The following RAP1GDS1 variants were observed in gnomAD, a reference collection of about 807,000 sequenced individuals.
The protein encoded by RAP1GDS1 is Rap1 GTPase-GDP dissociation stimulator 1.
Under a neutral mutation model 71.1 loss-of-function variants are expected in RAP1GDS1, and 35 were observed. The observed-to-expected ratio is 0.49, with a 90% CI of 0.38 to 0.65. The LOEUF (loss-of-function observed/expected upper bound fraction) is 0.65. RAP1GDS1 is among the 30% of genes least tolerant of loss of function. RAP1GDS1 has a pLI of 0.00. For synonymous variants in RAP1GDS1, 229 were observed against 243.1 expected, an observed-to-expected ratio of 0.94 and a Z score of 0.54; for missense variants, 663 against 706.1, an observed-to-expected ratio of 0.94 and a Z score of 0.69.
At chr4:98,343,962 G>A (rs1735880258) in intron 3 of RAP1GDS1, among the ~76,000 whole-genome samples, 1 of 152,088 alleles carries the variant, frequency 6.6e-6, no homozygotes, top group African/African-American at 2.4e-5. Context: ...CAGTTTGTCA[G>A]TTTTACATTA....
chr4:98,303,690 G>A (rs767534646), intron 2 of RAP1GDS1, among the ~76,000 whole-genome samples: 1 of 149,454 alleles, frequency 6.7e-6, no homozygotes, highest in Non-Finnish European at 1.5e-5. Flanking sequence ...TATAGGAAGA[G>A]AACTTTTTAA....
At chr4:98,340,629 A>G (rs1735363248) in intron 2 of RAP1GDS1, among the ~76,000 whole-genome samples, 1 of 152,030 alleles carries the variant, frequency 6.6e-6, no homozygotes, top group Admixed American at 6.6e-5. Flanking sequence ...CACACCTGTA[A>G]TCTCAGCTGC....
chr4:98,416,989 C>G lies in RAP1GDS1; in HGVS notation c.907+101C>G, dbSNP rs974560010. On this transcript the variant is annotated intron_variant, in intron 8 of 14. Coordinates refer to ENST00000408927, the MANE Select transcript of RAP1GDS1 (RefSeq NM_001100427.2). The stretch of plus-strand genomic sequence containing the variant: ...CTACCCTAGACATTTTCTCATATTC[C>G]TATCTCACCTGCTATTGAGGTGATG... The G allele has an allele frequency of 7.0e-6, 9 of 1,284,696 alleles. No homozygotes were observed. In the Admixed American group the frequency reaches 1.5e-4, roughly 22 times the overall value. 79.6% of individuals were successfully genotyped at this position (1,284,696 alleles called of 1,614,324 possible). A position where few individuals can be genotyped will look rare whatever the true frequency, so the allele number is the denominator to read the frequency against.
At chr4:98,321,842 T>C (rs1439104411) in intron 2 of RAP1GDS1, among the ~76,000 whole-genome samples, 2 of 112,808 alleles carry the variant, frequency 1.8e-5, no homozygotes, top group South Asian at 7.4e-4. Flanking sequence ...CCATCGAGAC[T>C]AGGAAGAAAC....
chr4:98,352,194 T>C (rs1737309940), intron 3 of RAP1GDS1, among the ~76,000 whole-genome samples: 1 of 152,020 alleles, frequency 6.6e-6, no homozygotes, highest in Non-Finnish European at 1.5e-5. Flanking sequence ...TAGTGATAAA[T>C]TAGTTGTGAT....
Position 98,341,911 on chromosome 4 carries a change from T to TA in RAP1GDS1, c.113-1227dup, listed in dbSNP as rs746597711. Among the ~76,000 whole-genome samples, 12 of 152,210 alleles carry TA rather than the reference T, an allele frequency of 7.9e-5. No homozygotes were observed. The South Asian group carries it at 2.5e-3, about 32-fold the overall frequency. On this transcript the variant is annotated intron_variant, in intron 2 of 14. Transcript: ENST00000408927. ...ATTTTACATACAGTACATATATACT[T>TA]ACAGGCACATATGCATATGCATATA...
chr4:98,301,165 C>T (rs899104132), intron 2 of RAP1GDS1, among the ~76,000 whole-genome samples: 16 of 151,828 alleles, frequency 1.1e-4, no homozygotes, highest in Middle Eastern at 3.2e-3. Context: ...ATTTCTTTTG[C>T]GAACTGAATT....
At position 98,442,260 on chromosome 4, in the gene RAP1GDS1, C is replaced by A; in HGVS notation, c.*143C>A. 1 of 1,146,072 alleles carries A rather than the reference C, an allele frequency of 8.7e-7. No individual in the cohort carries two copies. 71.0% of individuals were successfully genotyped at this position (1,146,072 alleles called of 1,614,324 possible). On this transcript the variant is annotated 3_prime_UTR_variant, in exon 15 of 15. Coordinates refer to ENST00000408927, the MANE Select transcript of RAP1GDS1 (RefSeq NM_001100427.2). ...CCAATTGAAGAACCGCTGTAGGTAC[C>A]TCCCTAATAAGATTTCTAAACCTAT...
At chr4:98,347,003 A>C (rs1736399393) in intron 3 of RAP1GDS1, among the ~76,000 whole-genome samples, 1 of 152,210 alleles carries the variant, frequency 6.6e-6, no homozygotes. Flanking sequence ...GAGTTAATAC[A>C]GGGAAGTTAT....
chr4:98,372,646 A>G (rs1361828366), intron 4 of RAP1GDS1, among the ~76,000 whole-genome samples: 1 of 151,956 alleles, frequency 6.6e-6, no homozygotes, highest in Non-Finnish European at 1.5e-5. Context: ...TTTCTATTTC[A>G]TTTTTACATA....
chr4:98,327,109 A>G (rs1560842800), intron 2 of RAP1GDS1, among the ~76,000 whole-genome samples: 1 of 152,158 alleles, frequency 6.6e-6, no homozygotes, highest in Non-Finnish European at 1.5e-5. Flanking sequence ...AGTTTCTATT[A>G]CTTCCAGTAT....
intron 2 of RAP1GDS1, among the ~76,000 whole-genome samples, chr4:98,301,646 G>A (rs1470648918): frequency 6.6e-6 from 1 of 152,066 alleles, no homozygotes; most frequent in East Asian, 1.9e-4. Flanking sequence ...AGGGAAATGG[G>A]GAACCAGGAG....
chr4:98,411,495 T>G (rs375034257), intron 7 of RAP1GDS1, among the ~76,000 whole-genome samples: 2 of 152,224 alleles, frequency 1.3e-5, no homozygotes, highest in East Asian at 1.9e-4. Flanking sequence ...ATTGACACAT[T>G]TAAAATTTCT....
intron 1 of RAP1GDS1, among the ~76,000 whole-genome samples, chr4:98,289,554 C>CAAAA (rs6148589): frequency 8.8e-3 from 897 of 101,770 alleles, no homozygotes; most frequent in Non-Finnish European, 0.012. Context: ...CTCTGGTAAA[C>CAAAA]AAAAAAAAAA....
At chr4:98,318,185 A>G (rs1295357838) in intron 2 of RAP1GDS1, among the ~76,000 whole-genome samples, 1 of 152,062 alleles carries the variant, frequency 6.6e-6, no homozygotes, top group African/African-American at 2.4e-5. Flanking sequence ...GCCACTCTGG[A>G]TAAATATCTT....
intron 2 of RAP1GDS1, among the ~76,000 whole-genome samples, chr4:98,312,428 G>A (rs1730367809): frequency 1.3e-5 from 2 of 152,106 alleles, no homozygotes; most frequent in Non-Finnish European, 2.9e-5. Flanking sequence ...AACATACAAT[G>A]TGCTTTCTCC....
intron 2 of RAP1GDS1, among the ~76,000 whole-genome samples, chr4:98,326,070 G>A (rs982421069): frequency 7.9e-5 from 12 of 152,258 alleles, no homozygotes; most frequent in African/African-American, 2.9e-4. Context: ...CATCTGTTCA[G>A]TAACAATCAC....
chr4:98,337,585 G>A (rs78368774), intron 2 of RAP1GDS1, among the ~76,000 whole-genome samples: 4 of 152,216 alleles, frequency 2.6e-5, no homozygotes, highest in East Asian at 3.9e-4. Context: ...GTTTGAAAGA[G>A]CTTTGAAATT....
chr4:98,310,472 T>A (rs1423479881), intron 2 of RAP1GDS1, among the ~76,000 whole-genome samples: 1 of 152,112 alleles, frequency 6.6e-6, no homozygotes. Context: ...CATAAAATAA[T>A]GAAGGACAAA....
Sources: allele counts gnomAD v4.1 joint callset (sites outside exome capture counted in the v4.1 genomes callset), GRCh38; gene constraint gnomAD v4.1.1; transcripts MANE v1.5; gene names NCBI Gene and HGNC (gene_info 2026-07-23, HGNC 2026-07-21).